The following LAMA4 variants were observed in gnomAD, a reference collection of about 807,000 sequenced individuals.
The protein encoded by LAMA4 is laminin subunit alpha-4.
A neutral mutation model predicts 207.1 loss-of-function variants in LAMA4; 127 were observed. The observed-to-expected ratio is 0.61, with a 90% CI of 0.53 to 0.71. LAMA4 has a LOEUF of 0.71. LAMA4 is among the 30% of genes least tolerant of loss of function. The probability of loss-of-function intolerance (pLI) is 0.00; values close to 1 mark genes in which losing one functional copy is unlikely to be tolerated. For missense variants in LAMA4, 2,093 were observed against 2,246.5 expected (o/e 0.93, Z 1.38); for synonymous variants, 761 against 816.0 (o/e 0.93, Z 1.15).
intron 2 of LAMA4, among the ~76,000 whole-genome samples, chr6:112,222,848 A>G (rs1784998639): frequency 6.6e-6 from 1 of 152,184 alleles, no homozygotes; most frequent in Non-Finnish European, 1.5e-5. Context: ...GAAAATCCAC[A>G]GCCCCTACAG....
chr6:112,181,730 T>C (rs1261069605), intron 9 of LAMA4, among the ~76,000 whole-genome samples: 2 of 152,216 alleles, frequency 1.3e-5, no homozygotes, highest in African/African-American at 4.8e-5. Flanking sequence ...TTTTTACTTA[T>C]CTGTTTCCCT....
chr6:112,253,640 C>T (rs1458699193), intron 2 of LAMA4: 2 of 1,116,756 alleles, frequency 1.8e-6, no homozygotes, highest in African/African-American at 1.5e-5. Context: ...TACTGGGACA[C>T]GCAAGTGGCA....
intron 2 of LAMA4, among the ~76,000 whole-genome samples, chr6:112,237,592 G>A (rs1258740419): frequency 6.6e-6 from 1 of 152,202 alleles, no homozygotes; most frequent in African/African-American, 2.4e-5. Context: ...GCATTTCCAT[G>A]GAGCCTCAGT....
chr6:112,254,502 G>A lies in LAMA4; in HGVS notation c.-185C>T, dbSNP rs1259273175. The A allele has an allele frequency of 2.7e-6, 1 of 376,170 alleles. No homozygotes were observed. 23.3% of individuals were successfully genotyped at this position (376,170 alleles called of 1,614,324 possible). ...AGACGGATTGGGGTGAGCCCCGCCA[G>A]CGCTAGGCCACCTCCTCTCCCTGGC... On this transcript the variant is annotated 5_prime_UTR_variant, in exon 1 of 39. Transcript: ENST00000230538.
rs782482395 is a variant in LAMA4 at position 112,148,322 on chromosome 6, G to A, written c.2188C>T (p.Arg730Cys). ...QAAERGDAQQ[R>C]LGQSRLITEE... ...GTGATCAGTCTAGACTGCCCCAGGC[G>A]CTGCTGGGCATCCCCTTTACACAGA... Residue 730 changes from arginine to cysteine, a missense_variant, in exon 18 of 39, where the codon CGC (arginine) becomes TGC (cysteine). Physicochemically the swap from Arg to Cys is radical, Grantham distance 180. Transcript: ENST00000230538. 41 of 1,614,012 alleles carry A rather than the reference G, an allele frequency of 2.5e-5. No individual in the cohort carries two copies. The highest frequency in any genetic ancestry group is 8.9e-5 in the East Asian group (4 of 44,878).
intron 2 of LAMA4, among the ~76,000 whole-genome samples, chr6:112,229,615 T>C (rs1281752766): frequency 6.6e-6 from 1 of 152,216 alleles, no homozygotes; most frequent in African/African-American, 2.4e-5. Flanking sequence ...AAGTGCTTCT[T>C]ACAAGGCATA....
chr6:112,236,929 G>A (rs547466577), intron 2 of LAMA4: 1 of 152,174 alleles, frequency 6.6e-6, no homozygotes, highest in East Asian at 1.9e-4. Flanking sequence ...AAGAAACTGT[G>A]GTTTATGTTT....
Position 112,150,589 on chromosome 6 carries a change from C to G in LAMA4, c.2095G>C (p.Gly699Arg). 6.2e-7 allele frequency: 1 copy of G among 1,614,034 alleles called. No individual in the cohort carries two copies. Among genetic ancestry groups the G allele is most frequent in the Non-Finnish European group, 8.5e-7 (1 of 1,179,938 alleles). ...EAVADTSRRV[G>R]GALARKSALK... Reference sequence around the variant, plus strand: ...GCACTTTTCCTTGCTAGGGCTCCACCCACACGCCTGCTAGTGTCAGCCACT... The same window carrying G: ...GCACTTTTCCTTGCTAGGGCTCCACGCACACGCCTGCTAGTGTCAGCCACT... Residue 699 changes from glycine to arginine, a missense_variant, in exon 17 of 39, where the codon GGT becomes CGT. Transcript: ENST00000230538.
At chr6:112,186,794 G>T (rs1366158775) in intron 8 of LAMA4, 5 of 450,956 alleles carry the variant, frequency 1.1e-5, no homozygotes, top group Middle Eastern at 5.7e-4. Flanking sequence ...ATCTGTGATT[G>T]GTTGAATCTG....
chr6:112,202,866 G>A (rs1783839599), intron 4 of LAMA4, among the ~76,000 whole-genome samples: 1 of 152,162 alleles, frequency 6.6e-6, no homozygotes, highest in South Asian at 2.1e-4. Context: ...GCCTGCCCAC[G>A]CTTGAAGCAT....
intron 3 of LAMA4, 26 bp from the exon 4 acceptor site, chr6:112,207,171 G>A: frequency 1.9e-6 from 3 of 1,613,326 alleles, no homozygotes; most frequent in Non-Finnish European, 2.5e-6. Flanking sequence ...CAAGAAGATT[G>A]ACAAGGATGC....
At chr6:112,216,517 T>C (rs782101932) in intron 2 of LAMA4, 48 bp from the exon 3 acceptor site, 21 of 1,287,230 alleles carry the variant, frequency 1.6e-5, no homozygotes, top group South Asian at 8.3e-5. Flanking sequence ...AGATTGATTT[T>C]GGTCAATATT....
chr6:112,177,239 T>C (rs981961960), intron 10 of LAMA4, among the ~76,000 whole-genome samples: 12 of 152,334 alleles, frequency 7.9e-5, no homozygotes, highest in African/African-American at 2.9e-4. Flanking sequence ...AAAGGAAACA[T>C]GACAAATGAT....
chr6:112,168,368 G>A (rs1415951923), intron 12 of LAMA4, among the ~76,000 whole-genome samples: 1 of 138,156 alleles, frequency 7.2e-6, no homozygotes, highest in Non-Finnish European at 1.6e-5. Flanking sequence ...TTTTTGAGGT[G>A]GAGTTTCACT....
At chr6:112,211,476 C>A (rs1385131793) in intron 3 of LAMA4, among the ~76,000 whole-genome samples, 12 of 152,228 alleles carry the variant, frequency 7.9e-5, no homozygotes, top group African/African-American at 2.6e-4. Flanking sequence ...AGACAATGAG[C>A]CATATCTGTT....
rs189095981 is a variant in LAMA4, at chr6:112,220,227, C to A, written c.196-3758G>T. ...ACCTTCCACTAAGTTACTTGTAGATCTTTTACAGCTCTTTATTATTAAGAG... is the reference window on the plus strand; with the variant it reads ...ACCTTCCACTAAGTTACTTGTAGATATTTTACAGCTCTTTATTATTAAGAG... On this transcript the variant is annotated intron_variant, in intron 2 of 38. Transcript: ENST00000230538. 2.3e-3 allele frequency among the ~76,000 whole-genome samples: 343 copies of A among 152,258 alleles called. 2 individuals carry two copies. The highest frequency in any genetic ancestry group is 8.0e-3 in the African/African-American group (332 of 41,570).
At chr6:112,133,722 T>A (rs1183553422) in intron 26 of LAMA4, among the ~76,000 whole-genome samples, 1 of 152,222 alleles carries the variant, frequency 6.6e-6, no homozygotes, top group South Asian at 2.1e-4. Context: ...TAACTTACAT[T>A]ATCTCATTTT....
intron 8 of LAMA4, chr6:112,186,895 T>C: frequency 2.2e-6 from 1 of 455,818 alleles, no homozygotes; most frequent in Non-Finnish European, 4.4e-6. Flanking sequence ...TTACTAGGTA[T>C]TAACCAGTAG....
At chr6:112,189,790 C>G (rs372414792) in intron 6 of LAMA4, among the ~76,000 whole-genome samples, 2 of 152,124 alleles carry the variant, frequency 1.3e-5, no homozygotes, top group African/African-American at 4.8e-5. Flanking sequence ...GAATCAGGAA[C>G]ATTTTTACAT....
Sources: gnomAD v4.1 joint callset for allele counts (sites outside exome capture counted in the v4.1 genomes callset) on GRCh38, gnomAD v4.1.1 for gene constraint, MANE v1.5 for transcripts, NCBI Gene and HGNC (gene_info 2026-07-23, HGNC 2026-07-21) for gene names.